The following PCDHA1 variants were observed in gnomAD, a reference collection of about 807,000 sequenced individuals.
PCDHA1 encodes protocadherin alpha-1.
PCDHA1 carries 42 observed loss-of-function variants against 61.3 expected under a neutral mutation model. That is an observed-to-expected ratio of 0.69 (90% CI 0.54 to 0.89). The LOEUF is 0.89. Ranked by LOEUF, PCDHA1 falls within the 40% of genes least tolerant of loss-of-function variation. The pLI, the probability that PCDHA1 is intolerant of heterozygous loss-of-function variation, is 0.00. For synonymous variants in PCDHA1, 610 were observed against 553.8 expected (o/e 1.10, Z -1.43); for missense variants, 1,256 against 1,235.3 (o/e 1.02, Z -0.25).
intron 1 of PCDHA1, among the ~76,000 whole-genome samples, chr5:140,976,433 C>T (rs2096716122): frequency 6.6e-6 from 1 of 152,036 alleles, no homozygotes; most frequent in South Asian, 2.1e-4. Context: ...TGCCTGTAAT[C>T]CCAGCTACTA....
At chr5:140,925,955 G>A (rs1350124934) in intron 1 of PCDHA1, among the ~76,000 whole-genome samples, 1 of 152,076 alleles carries the variant, frequency 6.6e-6, no homozygotes, top group Non-Finnish European at 1.5e-5. Context: ...AGGAGAAACT[G>A]CTATCACGCA....
chr5:140,831,510 TG>T (rs1269188191), intron 1 of PCDHA1, among the ~76,000 whole-genome samples: 3 of 137,202 alleles, frequency 2.2e-5, no homozygotes, highest in Non-Finnish European at 4.6e-5. Flanking sequence ...AGCACCACCA[TG>T]CCCCCCACCT....
intron 3 of PCDHA1, among the ~76,000 whole-genome samples, chr5:141,007,284 C>T (rs2098312696): frequency 6.6e-6 from 1 of 151,430 alleles, no homozygotes; most frequent in Admixed American, 6.6e-5. Context: ...GTGCAGTGGG[C>T]TCATGCCTGT....
chr5:140,808,807 C>T (rs7707144), intron 1 of PCDHA1: 12 of 1,612,656 alleles, frequency 7.4e-6, no homozygotes, highest in Non-Finnish European at 8.5e-6. Flanking sequence ...CTCGCGATGC[C>T]GGCGTGCCAC....
At chr5:140,879,229 T>C (rs1415984062) in intron 1 of PCDHA1, among the ~76,000 whole-genome samples, 2 of 152,102 alleles carry the variant, frequency 1.3e-5, no homozygotes, top group African/African-American at 2.4e-5. Context: ...AAAAGACATA[T>C]ACAAGAGGCA....
At chr5:140,835,526 C>T in intron 1 of PCDHA1, 1 of 1,613,946 alleles carries the variant, frequency 6.2e-7, no homozygotes. Context: ...ATTTTGGAGT[C>T]AACGGACAGG....
In PCDHA1 at chr5:141,010,121, T is replaced by C; in HGVS notation, c.*184T>C. The C allele has an allele frequency of 1.2e-6, 2 of 1,606,996 alleles. No homozygotes were observed. The highest frequency in any genetic ancestry group is 1.7e-6 in the Non-Finnish European group (2 of 1,176,140). On this transcript the variant is annotated 3_prime_UTR_variant, in exon 4 of 4. Transcript: ENST00000504120. ...ACAGGTTTTGTCGTAAAAGCTTTAC[T>C]AAGTCTGGTGTTAACTCTTTCTCTC... is the stretch of plus-strand genomic sequence containing the variant.
At chr5:140,921,663 T>G (rs1427342485) in intron 1 of PCDHA1, among the ~76,000 whole-genome samples, 1 of 152,144 alleles carries the variant, frequency 6.6e-6, no homozygotes, top group Admixed American at 6.5e-5. Flanking sequence ...TAATAAAAAT[T>G]TAACAGTTAT....
intron 1 of PCDHA1, among the ~76,000 whole-genome samples, chr5:140,885,025 T>A (rs2060432297): frequency 6.6e-6 from 1 of 152,228 alleles, no homozygotes; most frequent in Non-Finnish European, 1.5e-5. Context: ...ATCTTAAATT[T>A]AAAAAATTTT....
chr5:140,822,623 T>C, intron 1 of PCDHA1: 1 of 1,611,512 alleles, frequency 6.2e-7, no homozygotes, highest in Non-Finnish European at 8.5e-7. Flanking sequence ...TTTAGTAATC[T>C]TGTTCTTGAC....
intron 1 of PCDHA1, chr5:140,823,463 C>A (rs2150126030): frequency 6.2e-7 from 1 of 1,613,428 alleles, no homozygotes; most frequent in Admixed American, 1.7e-5. Flanking sequence ...AACGCGCCGG[C>A]GCTGCTGGTG....
chr5:140,814,952 T>G (rs1463393703), intron 1 of PCDHA1: 1 of 152,224 alleles, frequency 6.6e-6, no homozygotes, highest in African/African-American at 2.4e-5. Flanking sequence ...CTTCTTTGTC[T>G]CTTATGACAC....
intron 1 of PCDHA1, chr5:140,876,187 G>A (rs1554168344): frequency 1.9e-6 from 3 of 1,613,842 alleles, no homozygotes; most frequent in African/African-American, 2.7e-5. Context: ...GAATGACAAT[G>A]GTCCGGCGTT....
chr5:140,957,581 C>T (rs1396438252), intron 1 of PCDHA1, among the ~76,000 whole-genome samples: 3 of 152,066 alleles, frequency 2.0e-5, no homozygotes, highest in South Asian at 2.1e-4. Flanking sequence ...GTACTTTTAA[C>T]AAAGCACTTC....
chr5:140,962,791 T>G (rs998586099), intron 1 of PCDHA1, among the ~76,000 whole-genome samples: 19 of 152,252 alleles, frequency 1.2e-4, no homozygotes, highest in Admixed American at 1.1e-3. Context: ...TAAAAACTAC[T>G]TTGGACAACT....
chr5:141,007,395 CAAAAAA>C (rs35800918), intron 3 of PCDHA1, among the ~76,000 whole-genome samples: 3 of 94,844 alleles, frequency 3.2e-5, no homozygotes, highest in East Asian at 2.9e-4. Flanking sequence ...TACTAAAATA[CAAAAAA>C]AAAAAAAAAA....
chr5:140,982,677 C>T, intron 3 of PCDHA1, 114 bp downstream of exon 3: 1 of 1,439,238 alleles, frequency 6.9e-7, no homozygotes, highest in Non-Finnish European at 9.1e-7. Flanking sequence ...TTTTGTTATT[C>T]CCTTTTTTCC....
chr5:140,929,327 T>A (rs782155915), intron 1 of PCDHA1: 1 of 1,536,752 alleles, frequency 6.5e-7, no homozygotes, highest in Admixed American at 2.1e-5. Context: ...AATGCCATGG[T>A]AAGCAAATTT....
intron 1 of PCDHA1, among the ~76,000 whole-genome samples, chr5:140,905,536 T>A (rs1562950103): frequency 6.6e-6 from 1 of 152,286 alleles, no homozygotes; most frequent in East Asian, 1.9e-4. Flanking sequence ...TGGTTCCATA[T>A]GAACTTTAGG....
Sources: gnomAD v4.1 joint callset for allele counts (sites outside exome capture counted in the v4.1 genomes callset) on GRCh38, gnomAD v4.1.1 for gene constraint, MANE v1.5 for transcripts, NCBI Gene and HGNC (gene_info 2026-07-23, HGNC 2026-07-21) for gene names.